ALK: variants seen among roughly 807,000 people sequenced by gnomAD.
ALK encodes ALK receptor tyrosine kinase, also known as ALK tyrosine kinase receptor.
ALK carries 74 observed loss-of-function variants against 163.1 expected under a neutral mutation model. That is an observed-to-expected ratio of 0.45 (90% CI 0.38 to 0.55). The LOEUF is 0.55. Ranked by LOEUF, ALK falls within the 20% of genes least tolerant of loss-of-function variation. ALK has a pLI of 0.00. For missense variants in ALK, 2,063 were observed against 2,105.3 expected, an observed-to-expected ratio of 0.98 and a Z score of 0.39; for synonymous variants, 960 against 843.2, an observed-to-expected ratio of 1.14 and a Z score of -2.40.
intron 1 of ALK, chr2:29,892,251 G>A (rs894259212): frequency 3.3e-5 from 5 of 152,184 alleles, no homozygotes; most frequent in Admixed American, 2.6e-4. Flanking sequence ...AGCTCACATA[G>A]GAGATGCCCT....
chr2:29,264,926 T>G (rs1665178665), intron 11 of ALK, among the ~76,000 whole-genome samples: 1 of 152,066 alleles, frequency 6.6e-6, no homozygotes, highest in South Asian at 2.1e-4. Context: ...TCTCACATAC[T>G]CACTCGAACA....
intron 1 of ALK, among the ~76,000 whole-genome samples, chr2:29,763,543 C>A (rs1339553500): frequency 1.3e-5 from 2 of 152,076 alleles, no homozygotes; most frequent in Non-Finnish European, 2.9e-5. Flanking sequence ...TTAAGTGCTT[C>A]CCCATTAAAC....
chr2:29,638,543 G>C (rs1199081190), intron 3 of ALK, among the ~76,000 whole-genome samples: 1 of 151,574 alleles, frequency 6.6e-6, no homozygotes, highest in Non-Finnish European at 1.5e-5. Context: ...GATGGATGCG[G>C]ATAATGCTGG....
intron 5 of ALK, among the ~76,000 whole-genome samples, chr2:29,360,062 G>T (rs935143631): frequency 6.6e-6 from 1 of 152,198 alleles, no homozygotes; most frequent in African/African-American, 2.4e-5. Context: ...CTTTTTCTAA[G>T]AATGTGGGTC....
In ALK at chr2:29,232,432, G is replaced by A. The variant is rs376091121; in HGVS notation, c.2504C>T (p.Pro835Leu). The stretch of plus-strand genomic sequence containing the variant: ...TCCGGCTGCAATGATCAGGGGCACC[G>A]GCACTCCATCCTTCATCTGACCAGG... ...TYVFKMKDGV[P>L]VPLIIAAGGG... Residue 835 changes from proline (P) to leucine (L), a missense_variant, in exon 15 of 29, where the codon CCG becomes CTG. Around this residue, in one of 5 missense-constraint regions of ALK, gnomAD observed 575 missense variants for 626.6 expected, o/e 0.92. Coordinates refer to ENST00000389048, the MANE Select transcript of ALK (RefSeq NM_004304.5). 59 of 1,614,120 alleles carry A rather than the reference G, an allele frequency of 3.7e-5. No individual in the cohort carries two copies. The highest frequency in any genetic ancestry group is 1.5e-4 in the African/African-American group (11 of 74,944).
chr2:29,506,762 A>C (rs373571591), intron 4 of ALK, among the ~76,000 whole-genome samples: 56 of 152,224 alleles, frequency 3.7e-4, no homozygotes, highest in Middle Eastern at 3.4e-3. Flanking sequence ...AAAACAAAAA[A>C]AAAAAGTTAA....
chr2:29,565,952 T>C (rs888517945), intron 3 of ALK, among the ~76,000 whole-genome samples: 43 of 152,104 alleles, frequency 2.8e-4, no homozygotes, highest in African/African-American at 1.0e-3. Context: ...ACTCAGAGCT[T>C]TGTGGGACAG....
At chr2:29,451,870 T>A (rs2148092822) in intron 4 of ALK, among the ~76,000 whole-genome samples, 1 of 152,306 alleles carries the variant, frequency 6.6e-6, no homozygotes, top group Non-Finnish European at 1.5e-5. Context: ...CCAGTGGACG[T>A]TATTGCCATG....
rs1477421090 is a variant in ALK, at chr2:29,383,777, T to C, written c.1237A>G (p.Ser413Gly). ...ALEYISSGNR[S>G]LSAVDFFALK... ...GCAAAGAAGTCCACTGCAGACAAGC[T>C]GCGGTTTCCACTGGAGATGTATTCC... The change falls in exon 5 of 29, where the codon AGC (serine) becomes GGC (glycine). Residue 413 changes from serine (S) to glycine (G), a missense_variant. This residue lies in a region of ALK where 987 missense variants were observed against 939.5 expected (regional missense o/e 1.05). Transcript: ENST00000389048. 2.5e-6 allele frequency: 4 copies of C among 1,614,036 alleles called. No individual in the cohort carries two copies. The highest frequency in any genetic ancestry group is 3.4e-6 in the Non-Finnish European group (4 of 1,180,008).
chr2:29,827,174 G>T (rs938090989), intron 1 of ALK, among the ~76,000 whole-genome samples: 5 of 152,170 alleles, frequency 3.3e-5, no homozygotes, highest in Non-Finnish European at 7.3e-5. Context: ...GCAGATCAGA[G>T]GCAGCTCTGG....
At chr2:29,830,935 AGAAGAAGAAAAGAAGAAGAAAAGAAGAAG>A (rs1665359007) in intron 1 of ALK, among the ~76,000 whole-genome samples, 2 of 88,594 alleles carry the variant, frequency 2.3e-5, no homozygotes, top group African/African-American at 4.1e-5. Context: ...AAGAAGAAGA[AGAAGAAGAAAAGAAGAAGAAAAGAAGAAG>A]AAGAAGAAGA....
intron 1 of ALK, among the ~76,000 whole-genome samples, chr2:29,802,567 G>A (rs183045961): frequency 3.4e-5 from 1 of 29,826 alleles, no homozygotes; most frequent in African/African-American, 7.5e-5. Context: ...GAGAGGGGAG[G>A]GGAGGGGAGG....
At chr2:29,327,302 T>C (rs183464055) in intron 6 of ALK, among the ~76,000 whole-genome samples, 2 of 152,244 alleles carry the variant, frequency 1.3e-5, no homozygotes, top group Non-Finnish European at 2.9e-5. Flanking sequence ...ACAGACGCTG[T>C]GCCAGGAATC....
At chr2:29,457,436 A>G (rs576440453) in intron 4 of ALK, among the ~76,000 whole-genome samples, 1 of 152,206 alleles carries the variant, frequency 6.6e-6, no homozygotes, top group South Asian at 2.1e-4. Flanking sequence ...TACTTCTCTA[A>G]GGCTTCTTCC....
At chr2:29,779,093 T>C (rs1681261224) in intron 1 of ALK, among the ~76,000 whole-genome samples, 1 of 151,886 alleles carries the variant, frequency 6.6e-6, no homozygotes, top group African/African-American at 2.4e-5. Context: ...GAGGCGGAGC[T>C]TGCAGTGAGC....
At chr2:29,754,343 G>A (rs1680454956) in intron 1 of ALK, among the ~76,000 whole-genome samples, 1 of 152,130 alleles carries the variant, frequency 6.6e-6, no homozygotes, top group African/African-American at 2.4e-5. Flanking sequence ...CTTTGAAGGA[G>A]GACAGGGCAG....
intron 26 of ALK, 49 bp downstream of exon 26, chr2:29,207,122 G>T (rs753548481): frequency 6.8e-7 from 1 of 1,477,726 alleles, no homozygotes; most frequent in South Asian, 1.1e-5. Flanking sequence ...TGGCCCAGGA[G>T]CACCACCTTA....
chr2:29,871,936 C>T (rs183324072), intron 1 of ALK, among the ~76,000 whole-genome samples: 3 of 152,288 alleles, frequency 2.0e-5, no homozygotes, highest in Admixed American at 6.5e-5. Context: ...GATAGAGGTG[C>T]GGGTCTTCTA....
At chr2:29,784,061 G>A (rs1055007472) in intron 1 of ALK, among the ~76,000 whole-genome samples, 3 of 151,988 alleles carry the variant, frequency 2.0e-5, no homozygotes, top group South Asian at 2.1e-4. Context: ...ATGAGAGAGC[G>A]AGACAACGAG....
Sources: allele counts gnomAD v4.1 joint callset (sites outside exome capture counted in the v4.1 genomes callset), GRCh38; gene constraint gnomAD v4.1.1; regional missense constraint gnomAD v4.1.1; transcripts MANE v1.5; gene names NCBI Gene and HGNC (gene_info 2026-07-23, HGNC 2026-07-21).